CCM2: variants seen among roughly 807,000 people sequenced by gnomAD.
The protein encoded by CCM2 is cerebral cavernous malformations 2 protein.
A neutral mutation model predicts 44.9 loss-of-function variants in CCM2; 25 were observed. That is an observed-to-expected ratio of 0.56 (90% CI 0.41 to 0.78). CCM2 has a LOEUF of 0.78. Ranked by LOEUF, CCM2 falls within the 30% of genes least tolerant of loss-of-function variation. CCM2 has a pLI of 0.00. For missense variants in CCM2, 481 were observed against 580.6 expected (o/e 0.83, Z 1.76); for synonymous variants, 219 against 241.1 (o/e 0.91, Z 0.85).
At chr7:45,022,688 G>C (rs1249042799) in intron 1 of CCM2, among the ~76,000 whole-genome samples, 1 of 152,020 alleles carries the variant, frequency 6.6e-6, no homozygotes, top group Non-Finnish European at 1.5e-5. Flanking sequence ...AGTAGCTTTT[G>C]GGGTACAAGT....
intron 1 of CCM2, among the ~76,000 whole-genome samples, chr7:45,018,515 C>T (rs1275922429): frequency 1.3e-5 from 2 of 152,028 alleles, no homozygotes; most frequent in Non-Finnish European, 2.9e-5. Flanking sequence ...TACCACCACG[C>T]CCAGCTAATT....
intron 1 of CCM2, among the ~76,000 whole-genome samples, chr7:45,031,841 G>A (rs1796984582): frequency 6.6e-6 from 1 of 152,110 alleles, no homozygotes; most frequent in Non-Finnish European, 1.5e-5. Context: ...CAAAGTGTTG[G>A]GATTACAGGT....
chr7:45,037,369 T>A (rs1797273303), intron 1 of CCM2, among the ~76,000 whole-genome samples: 1 of 151,040 alleles, frequency 6.6e-6, no homozygotes, highest in African/African-American at 2.4e-5. Flanking sequence ...GGGTGTGAAG[T>A]CATCAGAGTT....
chr7:45,027,648 C>T, intron 1 of CCM2: 3 of 1,613,442 alleles, frequency 1.9e-6, no homozygotes, highest in South Asian at 2.2e-5. Flanking sequence ...ATGTTTTTTT[C>T]AGAGGGAGGG....
intron 2 of CCM2, among the ~76,000 whole-genome samples, chr7:45,061,469 T>C (rs1371668314): frequency 6.7e-6 from 1 of 149,226 alleles, no homozygotes; most frequent in African/African-American, 2.5e-5. Context: ...TTTTTTTTTT[T>C]TTTTTTGAGA....
At chr7:45,035,532 A>C (rs1797174045) in intron 1 of CCM2, among the ~76,000 whole-genome samples, 1 of 152,154 alleles carries the variant, frequency 6.6e-6, no homozygotes, top group African/African-American at 2.4e-5. Context: ...GGACTAGTTC[A>C]GGTAGATGAG....
intron 2 of CCM2, among the ~76,000 whole-genome samples, chr7:45,048,215 TG>T (rs1797848551): frequency 6.6e-6 from 1 of 152,264 alleles, no homozygotes; most frequent in African/African-American, 2.4e-5. Flanking sequence ...AGGAGATTGT[TG>T]TTGTTTTGTT....
At chr7:45,063,777 G>A in intron 2 of CCM2, 141 bp from the exon 3 acceptor site, 1 of 696,572 alleles carries the variant, frequency 1.4e-6, no homozygotes, top group Non-Finnish European at 2.6e-6. Flanking sequence ...CTAGAGTTGG[G>A]CCTCCACGCG....
At chr7:45,056,172 C>T (rs1025943715) in intron 2 of CCM2, among the ~76,000 whole-genome samples, 2 of 152,146 alleles carry the variant, frequency 1.3e-5, no homozygotes, top group African/African-American at 2.4e-5. Flanking sequence ...TTTCAAGCCC[C>T]TGCTTTTATT....
intron 1 of CCM2, among the ~76,000 whole-genome samples, chr7:45,028,107 A>G (rs1356701528): frequency 6.6e-6 from 1 of 152,250 alleles, no homozygotes; most frequent in African/African-American, 2.4e-5. Context: ...TCCACGGAGA[A>G]GTAATTTTCC....
intron 1 of CCM2, among the ~76,000 whole-genome samples, chr7:45,017,336 T>G (rs1796307214): frequency 6.6e-6 from 1 of 152,234 alleles, no homozygotes; most frequent in Non-Finnish European, 1.5e-5. Flanking sequence ...CTCTATAAAC[T>G]GGCTAGAACC....
At chr7:45,012,770 C>T (rs1053132974) in intron 1 of CCM2, among the ~76,000 whole-genome samples, 1 of 151,802 alleles carries the variant, frequency 6.6e-6, no homozygotes, top group East Asian at 1.9e-4. Context: ...CAGGTCGTCT[C>T]AAACTCCTGG....
At position 45,022,452 on chromosome 7, in the gene CCM2, G is replaced by A. The variant is rs531667031; in HGVS notation, c.31-15801G>A. ...CTCCCGAGTAGCTGGGACTACAGGCGCCCACCACCGTGCCCGGCTAATTTT... is the reference window on the plus strand; with the variant it reads ...CTCCCGAGTAGCTGGGACTACAGGCACCCACCACCGTGCCCGGCTAATTTT... On this transcript the variant is annotated intron_variant, in intron 1 of 9. Transcript: ENST00000258781. 1.9e-3 allele frequency among the ~76,000 whole-genome samples: 285 copies of A among 151,064 alleles called. 1 individual carries two copies. The highest frequency in any genetic ancestry group is 6.2e-3 in the African/African-American group (255 of 41,104).
chr7:45,073,192 A>G (rs998417565), intron 7 of CCM2: 2 of 580,482 alleles, frequency 3.4e-6, no homozygotes, highest in East Asian at 5.8e-5. Context: ...TCCCCTGCCC[A>G]ACAATGCTGC....
chr7:45,061,437 CCTTTTT>C (rs1562904295), intron 2 of CCM2, among the ~76,000 whole-genome samples: 1 of 150,726 alleles, frequency 6.6e-6, no homozygotes, highest in African/African-American at 2.4e-5. Context: ...TCTGGTCATG[CCTTTTT>C]CTTTCTTTCT....
rs768670587 is a variant in CCM2, at chr7:45,064,659, A to G, written c.472+13A>G. ...GTCCTGAAGACAGGTACAGGAGGTC[A>G]GGGGTCAGGAGGGTCCTTGTCCTAA... On this transcript the variant is annotated intron_variant, in intron 4 of 9. Transcript: ENST00000258781. 1.2e-5 allele frequency: 19 copies of G among 1,613,314 alleles called. No homozygotes were observed. The highest frequency in any genetic ancestry group is 1.6e-5 in the Non-Finnish European group (19 of 1,179,914).
At chr7:45,068,391 C>G in intron 4 of CCM2, 52 bp from the exon 5 acceptor site, 1 of 1,612,782 alleles carries the variant, frequency 6.2e-7, no homozygotes, top group African/African-American at 1.3e-5. Flanking sequence ...CCTCAAGTGC[C>G]CCCATGCCTG....
At chr7:45,025,032 C>T (rs1340111994) in intron 1 of CCM2, among the ~76,000 whole-genome samples, 6 of 152,136 alleles carry the variant, frequency 3.9e-5, no homozygotes, top group Admixed American at 3.9e-4. Flanking sequence ...TAATTTTTCT[C>T]ATGTTAAACT....
chr7:45,017,444 G>T (rs572685381), intron 1 of CCM2, among the ~76,000 whole-genome samples: 1 of 152,216 alleles, frequency 6.6e-6, no homozygotes, highest in African/African-American at 2.4e-5. Context: ...CAGGAGGTCA[G>T]TTGGCATCTG....
Sources: gnomAD v4.1 joint callset for allele counts (sites outside exome capture counted in the v4.1 genomes callset) on GRCh38, gnomAD v4.1.1 for gene constraint, MANE v1.5 for transcripts, NCBI Gene and HGNC (gene_info 2026-07-23, HGNC 2026-07-21) for gene names.